CFAP20DC: variants seen among roughly 807,000 people sequenced by gnomAD.
CFAP20DC encodes CFAP20 domain containing, also known as protein CFAP20DC.
In CFAP20DC, 84 loss-of-function variants were observed where a neutral mutation model predicts 101.7. That is an observed-to-expected ratio of 0.83 (90% CI 0.69 to 0.99). The LOEUF is 0.99. Among genes scored for constraint, CFAP20DC ranks in the 50% least tolerant of loss-of-function variants. The pLI is 0.00. For synonymous variants in CFAP20DC, 359 were observed against 351.2 expected, an observed-to-expected ratio of 1.02 and a Z score of -0.25; for missense variants, 1,007 against 970.3, an observed-to-expected ratio of 1.04 and a Z score of -0.50.
At chr3:58,835,305 C>T (rs554240049) in intron 13 of CFAP20DC, among the ~76,000 whole-genome samples, 30 of 152,184 alleles carry the variant, frequency 2.0e-4, no homozygotes, top group Admixed American at 1.1e-3. Context: ...TGTGACTAAC[C>T]GCCCAGTGGA....
intron 14 of CFAP20DC, among the ~76,000 whole-genome samples, chr3:58,811,336 G>A (rs2074612615): frequency 6.6e-6 from 1 of 152,088 alleles, no homozygotes; most frequent in African/African-American, 2.4e-5. Context: ...AAAACAGCAT[G>A]GTACTGGTAC....
intron 15 of CFAP20DC, among the ~76,000 whole-genome samples, chr3:58,783,887 T>A (rs1299630950): frequency 6.6e-6 from 1 of 152,102 alleles, no homozygotes; most frequent in Admixed American, 6.6e-5. Context: ...AGGGGATACA[T>A]GTGCAGATTT....
Position 58,864,630 on chromosome 3 carries a change from T to C in CFAP20DC, c.1259-738A>G, listed in dbSNP as rs572446368. 6.6e-6 allele frequency among the ~76,000 whole-genome samples: 1 copy of C among 152,328 alleles called. No individual in the cohort carries two copies. The highest frequency in any genetic ancestry group is 1.9e-4 in the East Asian group (1 of 5,186). ...TACTTAACCAGCTTCTTTAAAAAAA[T>C]ATCTGGTCTTAATTCAGATTACAAA... On this transcript the variant is annotated intron_variant, in intron 11 of 16. Transcript: ENST00000482387. The surrounding 1 kb of genome is among the most constrained non-coding windows in gnomAD (Gnocchi z 4.7).
At chr3:58,855,227 C>T (rs1453764048) in intron 12 of CFAP20DC, among the ~76,000 whole-genome samples, 1 of 152,144 alleles carries the variant, frequency 6.6e-6, no homozygotes, top group Non-Finnish European at 1.5e-5. Flanking sequence ...CCAAAAAACA[C>T]ATGAAAAAAT....
At chr3:58,768,804 T>C (rs1045478487) in intron 15 of CFAP20DC, among the ~76,000 whole-genome samples, 1 of 152,214 alleles carries the variant, frequency 6.6e-6, no homozygotes, top group African/African-American at 2.4e-5. Flanking sequence ...CTTCTTACAA[T>C]GGCCTAGTTG....
intron 6 of CFAP20DC, among the ~76,000 whole-genome samples, chr3:58,886,345 C>G (rs1242074724): frequency 1.7e-4 from 26 of 151,794 alleles, no homozygotes; most frequent in Admixed American, 1.7e-3. Flanking sequence ...GATGTTTTCA[C>G]GATATGGGAA....
At chr3:58,866,745 A>G in intron 10 of CFAP20DC, 57 bp from the exon 11 acceptor site, 1 of 1,178,968 alleles carries the variant, frequency 8.5e-7, no homozygotes, top group Non-Finnish European at 1.2e-6. Flanking sequence ...ATAAAAAGTA[A>G]TTTTAGAAGA....
At chr3:58,812,449 G>C (rs563192319) in intron 14 of CFAP20DC, among the ~76,000 whole-genome samples, 1 of 151,614 alleles carries the variant, frequency 6.6e-6, no homozygotes, top group Non-Finnish European at 1.5e-5. Flanking sequence ...GTAAACTATC[G>C]CAAGAACAAA....
At chr3:58,952,809 G>T (rs1395946403) in intron 4 of CFAP20DC, among the ~76,000 whole-genome samples, 2 of 152,068 alleles carry the variant, frequency 1.3e-5, no homozygotes, top group Admixed American at 6.6e-5. Context: ...AGGTTCAGGG[G>T]TTTATAATTA....
intron 14 of CFAP20DC, among the ~76,000 whole-genome samples, chr3:58,810,459 A>G (rs1314052317): frequency 2.0e-5 from 3 of 152,228 alleles, no homozygotes; most frequent in East Asian, 1.9e-4. Context: ...AAACCACATC[A>G]TAATCCCAAT....
chr3:58,720,524 G>A (rs1378970320), intron 3 of CFAP20DC, among the ~76,000 whole-genome samples: 1 of 152,148 alleles, frequency 6.6e-6, no homozygotes, highest in East Asian at 1.9e-4. Flanking sequence ...AGTCTGCTGG[G>A]TGGAACAGGC....
chr3:58,750,787 A>C (rs989956017), intron 16 of CFAP20DC, among the ~76,000 whole-genome samples: 3 of 152,216 alleles, frequency 2.0e-5, no homozygotes, highest in African/African-American at 7.2e-5. Context: ...CAGAGCTTTT[A>C]TCTCTTCCAT....
intron 15 of CFAP20DC, among the ~76,000 whole-genome samples, chr3:58,773,797 C>T (rs146485967): frequency 2.5e-3 from 386 of 152,264 alleles, no homozygotes; most frequent in African/African-American, 8.1e-3. Context: ...GGGCTGATAT[C>T]TGCAATGTCA....
chr3:59,008,270 G>A (rs577281079), intron 4 of CFAP20DC, among the ~76,000 whole-genome samples: 27 of 152,258 alleles, frequency 1.8e-4, no homozygotes, highest in African/African-American at 6.0e-4. Flanking sequence ...AGGCTGTGAG[G>A]TGAACAGCTT....
chr3:58,796,456 T>C (rs566022538), intron 15 of CFAP20DC, among the ~76,000 whole-genome samples: 1 of 152,212 alleles, frequency 6.6e-6, no homozygotes, highest in South Asian at 2.1e-4. Context: ...AAAGTCATTC[T>C]GGGGCTTTGC....
intron 4 of CFAP20DC, among the ~76,000 whole-genome samples, chr3:58,957,074 G>A (rs947346233): frequency 6.6e-6 from 1 of 152,160 alleles, no homozygotes; most frequent in Middle Eastern, 3.4e-3. Context: ...ATAGTCCACA[G>A]AACAGGAGAA....
Position 58,729,430 on chromosome 3 carries a change from T to A in CFAP20DC, c.198-11802A>T, listed in dbSNP as rs757309400. 2.0e-4 allele frequency among the ~76,000 whole-genome samples: 30 copies of A among 152,208 alleles called. No individual in the cohort carries two copies. The highest frequency in any genetic ancestry group is 3.7e-4 in the Non-Finnish European group (25 of 68,034). On this transcript the variant is annotated intron_variant, in intron 3 of 3. Transcript: ENST00000486145. This position sits in a 1 kb window ranked among gnomAD's most constrained non-coding sequence, Gnocchi z 4.4. ...TACAGTAAAACAATTGATTTTTATA[T>A]AATGACTTTTATCCAACAACATTAA...
At chr3:58,757,433 C>A (rs2069066576) in intron 15 of CFAP20DC, among the ~76,000 whole-genome samples, 1 of 151,810 alleles carries the variant, frequency 6.6e-6, no homozygotes. Flanking sequence ...ACATCTTTTG[C>A]CCTTTCTTCT....
intron 3 of CFAP20DC, chr3:58,727,111 AAGTGCTATCCTAC>A (rs1350209582): frequency 2.0e-5 from 4 of 200,816 alleles, no homozygotes; most frequent in Non-Finnish European, 4.2e-5. Flanking sequence ...GGGGGCCAGG[AAGTGCTATCCTAC>A]AGTGTTCTCA....
Sources: gnomAD v4.1 joint callset for allele counts (sites outside exome capture counted in the v4.1 genomes callset) on GRCh38, gnomAD v4.1.1 for gene constraint, Gnocchi (gnomAD v3.1) non-coding constraint, MANE v1.5 for transcripts, NCBI Gene and HGNC (gene_info 2026-07-23, HGNC 2026-07-21) for gene names.